Variants in EIF4G3 observed in about 807,000 individuals in gnomAD.
The protein encoded by EIF4G3 is eukaryotic translation initiation factor 4 gamma 3.
Under a neutral mutation model 186.4 loss-of-function variants are expected in EIF4G3, and 34 were observed. That is an observed-to-expected ratio of 0.18 (90% CI 0.14 to 0.24). The LOEUF (loss-of-function observed/expected upper bound fraction) is 0.24. Ranked by LOEUF, EIF4G3 falls within the 10% of genes least tolerant of loss-of-function variation. The probability of loss-of-function intolerance (pLI) is 1.00; values close to 1 mark genes in which losing one functional copy is unlikely to be tolerated. For missense variants in EIF4G3, 1,536 were observed against 1,948.5 expected (o/e 0.79, Z 3.99); for synonymous variants, 673 against 679.5 (o/e 0.99, Z 0.15).
At chr1:21,107,860 A>T (rs1351303709) in intron 2 of EIF4G3, among the ~76,000 whole-genome samples, 1 of 152,200 alleles carries the variant, frequency 6.6e-6, no homozygotes, top group Admixed American at 6.5e-5. Context: ...AGTTATAACA[A>T]TTCTTTTTTG....
At chr1:20,998,269 TTAAC>T (rs1056660900) in intron 6 of EIF4G3, among the ~76,000 whole-genome samples, 1 of 149,842 alleles carries the variant, frequency 6.7e-6, no homozygotes, top group African/African-American at 2.5e-5. Flanking sequence ...TTAAATGCGG[TTAAC>T]TAATATAATT....
intron 20 of EIF4G3, among the ~76,000 whole-genome samples, chr1:20,870,747 T>C (rs1409665706): frequency 1.3e-5 from 2 of 152,224 alleles, no homozygotes; most frequent in African/African-American, 4.8e-5. Flanking sequence ...AATTCAGATG[T>C]CCTCCTCCAA....
intron 10 of EIF4G3, among the ~76,000 whole-genome samples, chr1:20,976,921 T>C (rs1385168606): frequency 1.3e-5 from 2 of 152,046 alleles, no homozygotes; most frequent in Non-Finnish European, 2.9e-5. Flanking sequence ...ATTCCAAAAA[T>C]AGATTATGTA....
intron 2 of EIF4G3, among the ~76,000 whole-genome samples, chr1:21,139,687 T>G (rs1573176359): frequency 6.6e-6 from 1 of 152,152 alleles, no homozygotes; most frequent in African/African-American, 2.4e-5. Flanking sequence ...CAAAATCTGA[T>G]TCAGATCTAT....
chr1:20,881,994 T>C (rs2154554387), intron 19 of EIF4G3, among the ~76,000 whole-genome samples: 1 of 151,554 alleles, frequency 6.6e-6, no homozygotes, highest in African/African-American at 2.4e-5. Flanking sequence ...CGAAACCCCA[T>C]CACTATAAAA....
At chr1:21,096,811 A>G (rs1008064088) in intron 2 of EIF4G3, among the ~76,000 whole-genome samples, 5 of 152,350 alleles carry the variant, frequency 3.3e-5, no homozygotes, top group Non-Finnish European at 5.9e-5. Flanking sequence ...GGGTATAACT[A>G]TAAGATTTAC....
At chr1:21,106,561 CAA>C (rs924584508) in intron 2 of EIF4G3, among the ~76,000 whole-genome samples, 1 of 151,910 alleles carries the variant, frequency 6.6e-6, no homozygotes, top group African/African-American at 2.4e-5. Flanking sequence ...GAAAGGAAAT[CAA>C]AAGTTTTATT....
chr1:20,821,699 A>G (rs2062409484), intron 33 of EIF4G3, among the ~76,000 whole-genome samples: 1 of 151,252 alleles, frequency 6.6e-6, no homozygotes, highest in Admixed American at 6.6e-5. Flanking sequence ...ATACTTCACC[A>G]TCTTCCCTAT....
intron 12 of EIF4G3, among the ~76,000 whole-genome samples, chr1:20,960,201 T>C (rs1178151571): frequency 2.0e-5 from 3 of 152,170 alleles, no homozygotes; most frequent in East Asian, 3.9e-4. Flanking sequence ...GCACGGTGGC[T>C]CATGCCTGTA....
At chr1:21,035,026 T>C (rs948066558) in intron 4 of EIF4G3, among the ~76,000 whole-genome samples, 1 of 151,844 alleles carries the variant, frequency 6.6e-6, no homozygotes, top group Non-Finnish European at 1.5e-5. Context: ...CCACCCCAGG[T>C]GGCAAGGAGG....
intron 3 of EIF4G3, among the ~76,000 whole-genome samples, chr1:21,065,549 TA>T (rs562575980): frequency 1.2e-4 from 18 of 145,442 alleles, no homozygotes; most frequent in African/African-American, 3.8e-4. Context: ...AACTCTATCT[TA>T]AAAAAAAAAC....
At chr1:20,951,220 C>T (rs1452430570) in intron 12 of EIF4G3, among the ~76,000 whole-genome samples, 1 of 151,946 alleles carries the variant, frequency 6.6e-6, no homozygotes, top group Non-Finnish European at 1.5e-5. Context: ...GAAATGGACA[C>T]ATACAATTTA....
chr1:20,813,049 A>T, intron 35 of EIF4G3, 109 bp downstream of exon 35: 1 of 722,698 alleles, frequency 1.4e-6, no homozygotes, highest in East Asian at 2.7e-5. Flanking sequence ...CAGAAAAGTG[A>T]GCTACATAGG....
At chr1:21,153,377 C>A (rs2097580871) in intron 2 of EIF4G3, among the ~76,000 whole-genome samples, 1 of 152,194 alleles carries the variant, frequency 6.6e-6, no homozygotes, top group African/African-American at 2.4e-5. Context: ...TTTTTAATAG[C>A]TGAGACCATT....
intron 13 of EIF4G3, among the ~76,000 whole-genome samples, chr1:20,948,939 G>A (rs575760846): frequency 2.1e-5 from 3 of 141,892 alleles, no homozygotes; most frequent in Non-Finnish European, 3.0e-5. Flanking sequence ...AGCCCAGGAG[G>A]AGGAGGTTGC....
chr1:20,924,103 CA>C (rs1286289614), intron 14 of EIF4G3, among the ~76,000 whole-genome samples: 2 of 151,970 alleles, frequency 1.3e-5, no homozygotes, highest in Non-Finnish European at 2.9e-5. Context: ...TGACAGTTTC[CA>C]GTTTGAATAT....
intron 14 of EIF4G3, among the ~76,000 whole-genome samples, chr1:20,936,016 G>C (rs2095506861): frequency 6.6e-6 from 1 of 152,154 alleles, no homozygotes; most frequent in African/African-American, 2.4e-5. Context: ...TGAGACTTTA[G>C]GGCTCATGAT....
intron 4 of EIF4G3, among the ~76,000 whole-genome samples, chr1:21,040,627 G>C (rs2093514519): frequency 6.6e-6 from 1 of 152,202 alleles, no homozygotes; most frequent in Non-Finnish European, 1.5e-5. Flanking sequence ...CATATTCCTA[G>C]ATTTTGGTTT....
intron 14 of EIF4G3, among the ~76,000 whole-genome samples, chr1:20,930,982 A>G (rs867880821): frequency 6.6e-6 from 1 of 151,792 alleles, no homozygotes. Flanking sequence ...CTGGGACTAC[A>G]GGCGTGCGCC....
Sources: gnomAD v4.1 joint callset for allele counts (sites outside exome capture counted in the v4.1 genomes callset) on GRCh38, gnomAD v4.1.1 for gene constraint, MANE v1.5 for transcripts, NCBI Gene and HGNC (gene_info 2026-07-23, HGNC 2026-07-21) for gene names.